Variants in MYCBP observed in about 807,000 individuals in gnomAD.
The protein encoded by MYCBP is C-Myc-binding protein.
A neutral mutation model predicts 16.8 loss-of-function variants in MYCBP; 5 were observed. The observed-to-expected ratio is 0.30, with a 90% confidence interval of 0.16 to 0.63. MYCBP has a LOEUF of 0.63. MYCBP is among the 20% of genes least tolerant of loss of function. MYCBP has a pLI of 0.83. For missense variants in MYCBP, 103 were observed against 121.8 expected, an observed-to-expected ratio of 0.85 and a Z score of 0.73; for synonymous variants, 35 against 43.7, an observed-to-expected ratio of 0.80 and a Z score of 0.79.
intron 2 of MYCBP, among the ~76,000 whole-genome samples, chr1:38,868,300 A>C (rs1642381878): frequency 6.6e-6 from 1 of 152,248 alleles, no homozygotes; most frequent in Non-Finnish European, 1.5e-5. Flanking sequence ...GGAAAGAATC[A>C]ACAGGACTAT....
intron 2 of MYCBP, among the ~76,000 whole-genome samples, chr1:38,870,422 C>G (rs565277039): frequency 6.6e-6 from 1 of 152,124 alleles, no homozygotes; most frequent in African/African-American, 2.4e-5. Flanking sequence ...CTTGGGGAAG[C>G]TAAGGCAGAA....
intron 2 of MYCBP, 148 bp from the exon 3 acceptor site, chr1:38,867,758 TC>T (rs1642370597): frequency 1.4e-6 from 1 of 690,578 alleles, no homozygotes; most frequent in African/African-American, 1.8e-5. Context: ...ACAGACAAGG[TC>T]CCTGTTCTCA....
rs897047745 is a variant in MYCBP at position 38,863,036 on chromosome 1, T to A, written c.*1634A>T. On this transcript the variant is annotated 3_prime_UTR_variant, in exon 5 of 5. Transcript: ENST00000397572. ...CACAGGTCCTAACCCACACTGTATT[T>A]GATTATATACAGTCTCATAATTAAG... is the stretch of plus-strand genomic sequence containing the variant. 6.6e-6 allele frequency: 1 copy of A among 152,230 alleles called. No homozygotes were observed. The allele number at this position is 152,230 out of a possible 1,614,324, so 9.4% of individuals were successfully genotyped here.
At chr1:38,866,141 C>T (rs576030783) in intron 4 of MYCBP, among the ~76,000 whole-genome samples, 186 of 145,390 alleles carry the variant, frequency 1.3e-3, no homozygotes, top group African/African-American at 4.6e-3. Context: ...TTCCACCTCC[C>T]GGGTTCAAGC....
At chr1:38,867,482 C>A in intron 3 of MYCBP, 80 bp downstream of exon 3, 16 of 1,035,964 alleles carry the variant, frequency 1.5e-5, no homozygotes, top group South Asian at 3.0e-5. Flanking sequence ...TCTCAATATT[C>A]AGAAGTATTT....
At chr1:38,867,446 CA>C (rs11338710) in intron 3 of MYCBP, 115 bp downstream of exon 3, 172,931 of 617,084 alleles carry the variant, frequency 0.28, 3,935 homozygotes, top group African/African-American at 0.46. Context: ...GACTCCGTCT[CA>C]AAAAAAAAAA....
Position 38,864,185 on chromosome 1 carries a change from A to G in MYCBP, c.*485T>C, listed in dbSNP as rs77133306. ...TGGTGGCAAAGAAGTTATTTGTTCCATGTCACACAAACAAGAGCAGAAGAT... is the reference window on the plus strand; with the variant it reads ...TGGTGGCAAAGAAGTTATTTGTTCCGTGTCACACAAACAAGAGCAGAAGAT... On this transcript the variant is annotated 3_prime_UTR_variant, in exon 5 of 5. Transcript: ENST00000397572. The G allele has an allele frequency of 0.017, 2,686 of 155,970 alleles. 81 individuals carry two copies. Among genetic ancestry groups the G allele is most frequent in the African/African-American group, 0.056 (2,314 of 41,586 alleles). The allele number at this position is 155,970 out of a possible 1,614,324, so 9.7% of individuals were successfully genotyped here. A position where few individuals can be genotyped will look rare whatever the true frequency, so the allele number is the denominator to read the frequency against.
chr1:38,866,055 T>TTTTTTTTTTTTTTTTTTTTTTA (rs1207260896), intron 4 of MYCBP, among the ~76,000 whole-genome samples: 1 of 135,664 alleles, frequency 7.4e-6, no homozygotes, highest in African/African-American at 3.0e-5. Flanking sequence ...TTTTTTTTTT[T>TTTTTTTTTTTTTTTTTTTTTTA]TTTTTTTTTT....
chr1:38,871,973 T>C (rs968342061), intron 2 of MYCBP, among the ~76,000 whole-genome samples: 5 of 152,202 alleles, frequency 3.3e-5, no homozygotes, highest in African/African-American at 9.7e-5. Context: ...AGAGACAACA[T>C]AGCACAGTAC....
chr1:38,872,238 C>T (rs1227912794), intron 2 of MYCBP, among the ~76,000 whole-genome samples: 2 of 152,140 alleles, frequency 1.3e-5, no homozygotes, highest in African/African-American at 4.8e-5. Flanking sequence ...ATTCTACACC[C>T]TTGAATATCC....
intron 1 of MYCBP, 77 bp downstream of exon 1, chr1:38,873,214 C>T: frequency 1.3e-6 from 2 of 1,575,474 alleles, no homozygotes; most frequent in Non-Finnish European, 1.7e-6. Flanking sequence ...CCTGCGCGCG[C>T]GACCCCACTC....
chr1:38,872,365 AG>A (rs1315015031), intron 2 of MYCBP, among the ~76,000 whole-genome samples: 1 of 152,260 alleles, frequency 6.6e-6, no homozygotes, highest in African/African-American at 2.4e-5. Context: ...TACTTAACTT[AG>A]ATCTTGAAGC....
At chr1:38,872,579 G>T (rs1235665971) in intron 2 of MYCBP, 1 of 172,962 alleles carries the variant, frequency 5.8e-6, no homozygotes, top group African/African-American at 2.4e-5. Flanking sequence ...CTACTTTGGG[G>T]ATTAGGCTCA....
chr1:38,872,905 G>T, intron 2 of MYCBP, 113 bp downstream of exon 2: 4 of 1,261,576 alleles, frequency 3.2e-6, no homozygotes, highest in Non-Finnish European at 4.4e-6. Context: ...GCTGGACCCC[G>T]GACGGGCCCC....
rs1353806204 is a variant in MYCBP, at chr1:38,862,907, T to A, written c.*1763A>T. On this transcript the variant is annotated 3_prime_UTR_variant, in exon 5 of 5. Coordinates refer to ENST00000397572, the MANE Select transcript of MYCBP (RefSeq NM_012333.5). The stretch of plus-strand genomic sequence containing the variant: ...CATGAGGATTGGCTGCCACAAAAAA[T>A]TTTCAACCTGTATCTACCAAGAAAC... The A allele has an allele frequency of 6.6e-6, 1 of 152,132 alleles. No individual in the cohort carries two copies. Among genetic ancestry groups the A allele is most frequent in the East Asian group, 1.9e-4 (1 of 5,200 alleles). 9.4% of individuals were successfully genotyped at this position (152,132 alleles called of 1,614,324 possible). A position where few individuals can be genotyped will look rare whatever the true frequency, so the allele number is the denominator to read the frequency against.
At chr1:38,872,803 ACT>A (rs1199379702) in intron 2 of MYCBP, among the ~76,000 whole-genome samples, 2 of 152,144 alleles carry the variant, frequency 1.3e-5, no homozygotes, top group Non-Finnish European at 2.9e-5. Flanking sequence ...CAAGAGTTTC[ACT>A]CCCGGTGCGG....
intron 2 of MYCBP, among the ~76,000 whole-genome samples, chr1:38,871,921 G>C (rs1338505683): frequency 6.6e-6 from 1 of 152,180 alleles, no homozygotes; most frequent in Non-Finnish European, 1.5e-5. Context: ...AACGTAAGGA[G>C]TTTTTAGACG....
At chr1:38,870,812 A>C (rs1298239169) in intron 2 of MYCBP, among the ~76,000 whole-genome samples, 1 of 143,646 alleles carries the variant, frequency 7.0e-6, no homozygotes. Context: ...AAAAAAAAAA[A>C]AAAAAAAAAA....
rs1642276409 is a variant in MYCBP at position 38,863,252 on chromosome 1, T to C, written c.*1418A>G. On this transcript the variant is annotated 3_prime_UTR_variant, in exon 5 of 5. Transcript: ENST00000397572. ...GGGCTGATTTAAATGCCCTTTTTAT[T>C]GGCTTGGTCATAGTCTCCAACAGGT... 1 of 152,254 alleles carries C rather than the reference T, an allele frequency of 6.6e-6. No homozygotes were observed. Among genetic ancestry groups the C allele is most frequent in the Non-Finnish European group, 1.5e-5 (1 of 68,046 alleles). 9.4% of individuals were successfully genotyped at this position (152,254 alleles called of 1,614,324 possible).
Sources: allele counts gnomAD v4.1 joint callset (sites outside exome capture counted in the v4.1 genomes callset), GRCh38; gene constraint gnomAD v4.1.1; transcripts MANE v1.5; gene names NCBI Gene and HGNC (gene_info 2026-07-23, HGNC 2026-07-21).